The following ALPK3 variants were observed in gnomAD, a reference collection of about 807,000 sequenced individuals.
The protein encoded by ALPK3 is alpha-protein kinase 3.
A neutral mutation model predicts 140.0 loss-of-function variants in ALPK3; 102 were observed. That is an observed-to-expected ratio of 0.73 (90% confidence interval 0.62 to 0.86). The LOEUF (loss-of-function observed/expected upper bound fraction) is 0.86. ALPK3 is among the 40% of genes least tolerant of loss of function. The probability of loss-of-function intolerance (pLI) is 0.00; values close to 1 mark genes in which losing one functional copy is unlikely to be tolerated. For synonymous variants in ALPK3, 938 were observed against 898.5 expected, an observed-to-expected ratio of 1.04 and a Z score of -0.79; for missense variants, 2,254 against 2,208.2, an observed-to-expected ratio of 1.02 and a Z score of -0.42.
chr15:84,828,893 A>C (rs1299690155), intron 3 of ALPK3, among the ~76,000 whole-genome samples: 1 of 152,182 alleles, frequency 6.6e-6, no homozygotes. Context: ...TCCCGCCTGC[A>C]TCTCCTGTGT....
At chr15:84,820,542 G>A (rs551085953) in intron 1 of ALPK3, among the ~76,000 whole-genome samples, 195 of 151,942 alleles carry the variant, frequency 1.3e-3, no homozygotes, top group Non-Finnish European at 2.4e-3. Context: ...GTGCAGTGGC[G>A]TGATCTCTGT....
chr15:84,823,267 T>G, intron 1 of ALPK3, 63 bp from the exon 2 acceptor site: 2 of 1,587,864 alleles, frequency 1.3e-6, no homozygotes, highest in East Asian at 2.2e-5. Flanking sequence ...TTGCGACTGT[T>G]GATTTCGCCT....
chr15:84,855,346 T>G (rs897278678), intron 5 of ALPK3, among the ~76,000 whole-genome samples: 1 of 152,222 alleles, frequency 6.6e-6, no homozygotes, highest in African/African-American at 2.4e-5. Flanking sequence ...ATCACTTTGC[T>G]CCTCCTCAGC....
chr15:84,850,879 T>TACACACACAC (rs4040516), intron 5 of ALPK3, among the ~76,000 whole-genome samples: 7,811 of 142,364 alleles, frequency 0.055, 295 homozygotes, highest in Non-Finnish European at 0.076. Context: ...GTTCCAGATA[T>TACACACACAC]ACACACACAC....
At chr15:84,820,999 T>C (rs1963415953) in intron 1 of ALPK3, among the ~76,000 whole-genome samples, 1 of 151,712 alleles carries the variant, frequency 6.6e-6, no homozygotes, top group African/African-American at 2.4e-5. Context: ...CCTTTTTTTT[T>C]CTTCTATTCT....
intron 5 of ALPK3, among the ~76,000 whole-genome samples, chr15:84,844,579 G>A (rs186194170): frequency 5.6e-4 from 86 of 152,214 alleles, no homozygotes; most frequent in African/African-American, 1.8e-3. Context: ...GGAAAAGGCC[G>A]AGCGCAGTGG....
intron 5 of ALPK3, among the ~76,000 whole-genome samples, chr15:84,847,208 G>GGAGAGAGAGAGA (rs55944419): frequency 6.1e-4 from 71 of 116,634 alleles, no homozygotes; most frequent in African/African-American, 1.1e-3. Flanking sequence ...GGAGAAACGG[G>GGAGAGAGAGAGA]GAGAGAGAGA....
rs753596148 is a variant in ALPK3, at chr15:84,840,002, G to T, written c.723G>T (p.Glu241Asp). ...CGGGCCCCTCGGTCCCTACCAGGGA[G>T]CCTGAGGGTGGGACCCTGGCGGCTT... ...QAPGPSVPTR[E>D]PEGGTLAAWQ... Residue 241 changes from glutamate to aspartate, a missense_variant, in exon 5 of 14, where the codon GAG becomes GAT. Glu to Asp is a conservative substitution (Grantham distance 45). Around this residue, in one of 3 missense-constraint regions of ALPK3, gnomAD observed 2,088 missense variants for 2,022.9 expected, o/e 1.03. Coordinates refer to ENST00000258888, the MANE Select transcript of ALPK3 (RefSeq NM_020778.5). The T allele has an allele frequency of 1.2e-6, 2 of 1,613,428 alleles. No individual in the cohort carries two copies. The highest frequency in any genetic ancestry group is 2.7e-5 in the African/African-American group (2 of 74,912).
At chr15:84,823,106 C>T (rs1323291148) in intron 1 of ALPK3, among the ~76,000 whole-genome samples, 3 of 152,238 alleles carry the variant, frequency 2.0e-5, no homozygotes, top group Non-Finnish European at 4.4e-5. Flanking sequence ...TAACCATTTT[C>T]CTGGACTCTG....
chr15:84,851,163 A>T (rs1002740668), intron 5 of ALPK3, among the ~76,000 whole-genome samples: 1 of 152,162 alleles, frequency 6.6e-6, no homozygotes, highest in East Asian at 1.9e-4. Context: ...AGAGGAGGGA[A>T]CTCAGGAAGT....
At chr15:84,823,224 C>A in intron 1 of ALPK3, 106 bp from the exon 2 acceptor site, 1 of 1,317,290 alleles carries the variant, frequency 7.6e-7, no homozygotes, top group Non-Finnish European at 1.1e-6. Flanking sequence ...AATAGAAAGG[C>A]TTCTGGGCCC....
intron 3 of ALPK3, among the ~76,000 whole-genome samples, chr15:84,828,417 G>C (rs996294592): frequency 6.6e-6 from 1 of 152,122 alleles, no homozygotes; most frequent in Non-Finnish European, 1.5e-5. Context: ...ACTCCAACCT[G>C]ACCAGCCTCA....
chr15:84,862,571 T>C (rs2141572465), intron 9 of ALPK3, 64 bp from the exon 10 acceptor site: 2 of 1,529,106 alleles, frequency 1.3e-6, no homozygotes, highest in South Asian at 2.6e-5. Context: ...TTTCCTTCCC[T>C]GTGAGCCCCA....
chr15:84,857,196 G>A lies in ALPK3; in HGVS notation c.2458G>A (p.Gly820Arg), dbSNP rs1963874506. 2 of 1,613,712 alleles carry A rather than the reference G, an allele frequency of 1.2e-6. No homozygotes were observed. The highest frequency in any genetic ancestry group is 1.7e-5 in the Admixed American group (1 of 59,992). The change falls in exon 6 of 14, where the codon GGG becomes AGG. Residue 820 changes from glycine to arginine, a missense_variant. Around this residue, in one of 3 missense-constraint regions of ALPK3, gnomAD observed 2,088 missense variants for 2,022.9 expected, o/e 1.03. Coordinates refer to ENST00000258888, the MANE Select transcript of ALPK3 (RefSeq NM_020778.5). Reference sequence around the variant, plus strand: ...GCAGGTGGGAGGAGAGAGATGCCGAGGGCCACAGTCATCAGGCCCAGTCGA... The same window carrying A: ...GCAGGTGGGAGGAGAGAGATGCCGAAGGCCACAGTCATCAGGCCCAGTCGA... Reference protein sequence around the residue: ...VEQVGGERCRGPQSSGPVEAK... With the variant: ...VEQVGGERCRRPQSSGPVEAK...
intron 5 of ALPK3, among the ~76,000 whole-genome samples, chr15:84,848,968 C>G (rs150636177): frequency 7.2e-5 from 11 of 152,070 alleles, no homozygotes; most frequent in African/African-American, 1.4e-4. Flanking sequence ...ATGGAGAAAA[C>G]CCATCTCTAC....
At chr15:84,836,708 AT>A (rs1963601133) in intron 3 of ALPK3, among the ~76,000 whole-genome samples, 1 of 152,252 alleles carries the variant, frequency 6.6e-6, no homozygotes, top group Non-Finnish European at 1.5e-5. Context: ...AATGCCAGAT[AT>A]GCAGTCAGAA....
chr15:84,835,171 G>T (rs1004603305), intron 3 of ALPK3, among the ~76,000 whole-genome samples: 7 of 152,222 alleles, frequency 4.6e-5, no homozygotes, highest in African/African-American at 1.7e-4. Context: ...CTCTGAGCTG[G>T]GTCCTTGTAG....
At chr15:84,836,862 A>C (rs1378540266) in intron 3 of ALPK3, among the ~76,000 whole-genome samples, 1 of 152,116 alleles carries the variant, frequency 6.6e-6, no homozygotes, top group East Asian at 1.9e-4. Flanking sequence ...CTGGGGCCTG[A>C]GCTTTGGGGC....
intron 5 of ALPK3, among the ~76,000 whole-genome samples, chr15:84,854,044 T>G (rs1430200189): frequency 1.3e-5 from 2 of 151,964 alleles, no homozygotes; most frequent in African/African-American, 4.8e-5. Context: ...AATTCCTAAT[T>G]TAGTAAAGTA....
Sources: gnomAD v4.1 joint callset for allele counts (sites outside exome capture counted in the v4.1 genomes callset) on GRCh38, gnomAD v4.1.1 for gene constraint, gnomAD v4.1.1 regional missense constraint, MANE v1.5 for transcripts, NCBI Gene and HGNC (gene_info 2026-07-23, HGNC 2026-07-21) for gene names.